IL1RAPL2: variants seen among roughly 807,000 people sequenced by gnomAD.
IL1RAPL2 encodes interleukin 1 receptor accessory protein like 2.
In IL1RAPL2, 3 loss-of-function variants were observed where a neutral mutation model predicts 44.1. That is an observed-to-expected ratio of 0.07 (90% CI 0.03 to 0.18). The LOEUF (loss-of-function observed/expected upper bound fraction) is 0.18. Ranked by LOEUF, IL1RAPL2 falls within the 10% of genes least tolerant of loss-of-function variation. IL1RAPL2 has a pLI of 1.00. For synonymous variants in IL1RAPL2, 181 were observed against 178.8 expected (o/e 1.01, Z -0.10); for missense variants, 391 against 496.4 (o/e 0.79, Z 2.02).
chrX:104,983,661 ATATATACATAATAT>A (rs1320210001), intron 2 of IL1RAPL2, among the ~76,000 whole-genome samples: 10 of 98,452 alleles, frequency 1.0e-4, no homozygotes, highest in Non-Finnish European at 1.6e-4. Context: ...TATGTACATA[ATATATACATAATAT>A]TATATACATA....
intron 1 of IL1RAPL2, among the ~76,000 whole-genome samples, chrX:104,640,867 T>C (rs1206171817): frequency 8.9e-6 from 1 of 112,518 alleles, no homozygotes; most frequent in Non-Finnish European, 1.9e-5. Flanking sequence ...GGGCCAGTCT[T>C]CAGGCCCTGG....
chrX:104,633,633 G>A (rs1427182169), intron 1 of IL1RAPL2, among the ~76,000 whole-genome samples: 1 of 111,955 alleles, frequency 8.9e-6, no homozygotes, highest in African/African-American at 3.3e-5. Flanking sequence ...TTGCATAGAG[G>A]TGTTTATAGT....
At chrX:105,406,968 C>A (rs1345852993) in intron 5 of IL1RAPL2, 73 of 1,104,039 alleles carry the variant, frequency 6.6e-5, no homozygotes, top group Non-Finnish European at 8.6e-5. Flanking sequence ...AAGAAGCCAA[C>A]CTGAGAGGGT....
At chrX:105,516,477 G>A (rs1325928158) in intron 6 of IL1RAPL2, among the ~76,000 whole-genome samples, 3 of 111,872 alleles carry the variant, frequency 2.7e-5, no homozygotes, top group Non-Finnish European at 5.6e-5. Context: ...TGTCAAACAC[G>A]TGGATGCAAT....
intron 6 of IL1RAPL2, among the ~76,000 whole-genome samples, chrX:105,675,441 C>A (rs1020256425): frequency 9.0e-6 from 1 of 111,580 alleles, no homozygotes; most frequent in Non-Finnish European, 1.9e-5. Flanking sequence ...GTCTTTAGAT[C>A]TATTTATGTG....
chrX:104,952,154 T>G (rs1403191114), intron 2 of IL1RAPL2, among the ~76,000 whole-genome samples: 1 of 112,466 alleles, frequency 8.9e-6, no homozygotes. Flanking sequence ...GCTGTGGTTT[T>G]TCAGCACAAA....
intron 2 of IL1RAPL2, among the ~76,000 whole-genome samples, chrX:104,814,570 C>A (rs1347914725): frequency 1.8e-5 from 2 of 111,946 alleles, no homozygotes; most frequent in Non-Finnish European, 3.8e-5. Context: ...ACAAAGCAAT[C>A]TAACATAGAG....
At chrX:104,668,894 A>C (rs1430547842) in intron 2 of IL1RAPL2, among the ~76,000 whole-genome samples, 1 of 110,561 alleles carries the variant, frequency 9.0e-6, no homozygotes, top group Admixed American at 9.7e-5. Flanking sequence ...CACCCCCACA[A>C]CCACGATTCT....
At chrX:104,649,402 A>G (rs1019398597) in intron 1 of IL1RAPL2, among the ~76,000 whole-genome samples, 1 of 111,757 alleles carries the variant, frequency 8.9e-6, no homozygotes. Flanking sequence ...TTTGAGAGCC[A>G]TATTTCCCTC....
intron 2 of IL1RAPL2, among the ~76,000 whole-genome samples, chrX:104,800,791 G>T (rs774814096): frequency 2.7e-5 from 3 of 112,721 alleles, no homozygotes; most frequent in East Asian, 5.6e-4. Flanking sequence ...GGGAGGCCAG[G>T]TCAGCTTTGA....
intron 9 of IL1RAPL2, among the ~76,000 whole-genome samples, chrX:105,749,479 T>G (rs774958572): frequency 5.4e-5 from 6 of 111,963 alleles, no homozygotes; most frequent in Middle Eastern, 4.7e-3. Context: ...ATTCCAATTT[T>G]TTTCAGAAAA....
chrX:104,828,454 G>A (rs750511423), intron 2 of IL1RAPL2, among the ~76,000 whole-genome samples: 11 of 111,237 alleles, frequency 9.9e-5, no homozygotes, highest in African/African-American at 2.7e-4. Flanking sequence ...TATCACCAGC[G>A]GAGGCTGCAG....
chrX:105,373,117 T>G (rs187804595), intron 5 of IL1RAPL2, among the ~76,000 whole-genome samples: 14 of 112,979 alleles, frequency 1.2e-4, no homozygotes, highest in African/African-American at 3.9e-4. Context: ...ACAGCTAAAC[T>G]AATTTACATT....
chrX:105,009,746 T>C (rs2031015744), intron 2 of IL1RAPL2, among the ~76,000 whole-genome samples: 1 of 109,594 alleles, frequency 9.1e-6, no homozygotes, highest in East Asian at 2.9e-4. Flanking sequence ...ACTTAAAGTA[T>C]AATAATAATA....
chrX:105,566,850 A>G lies in IL1RAPL2; in HGVS notation c.772+82463A>G, dbSNP rs772501921. Among the ~76,000 whole-genome samples, 9 of 110,742 alleles carry G rather than the reference A, an allele frequency of 8.1e-5. No homozygotes were observed. In the East Asian group the frequency reaches 2.3e-3, roughly 28 times the overall value. ...TTCAAGGAGAGATATGACAATCCTG[A>G]GACCTGAATAATTTAGACACCAACC... is the stretch of plus-strand genomic sequence containing the variant. On this transcript the variant is annotated intron_variant, in intron 6 of 10. Transcript: ENST00000372582.
At chrX:105,606,156 T>C (rs1341101546) in intron 6 of IL1RAPL2, among the ~76,000 whole-genome samples, 8 of 111,422 alleles carry the variant, frequency 7.2e-5, no homozygotes, top group Non-Finnish European at 1.5e-4. Flanking sequence ...TGCACACCAT[T>C]AACCTGACAA....
intron 2 of IL1RAPL2, among the ~76,000 whole-genome samples, chrX:104,946,144 G>A (rs920332246): frequency 2.0e-4 from 21 of 104,467 alleles, no homozygotes; most frequent in Middle Eastern, 0.01. Context: ...AGGCCGAGGC[G>A]GGTGGATCAT....
At chrX:105,034,159 A>T (rs1297578557) in intron 2 of IL1RAPL2, among the ~76,000 whole-genome samples, 1 of 110,790 alleles carries the variant, frequency 9.0e-6, no homozygotes, top group Non-Finnish European at 1.9e-5. Context: ...CTTCTTTGCC[A>T]TTGGTTTGAA....
Position 104,743,242 on chromosome X carries a change from T to C in IL1RAPL2, c.82+84247T>C, listed in dbSNP as rs759019155. Among the ~76,000 whole-genome samples the C allele has an allele frequency of 5.4e-5, 6 of 111,200 alleles. No homozygotes were observed. In the South Asian group the frequency reaches 2.2e-3, roughly 42 times the overall value. ...AGTAATATATATTTCAAAGTTATTA[T>C]TGCACTTATGTTCCCTCTTTGAGGC... On this transcript the variant is annotated intron_variant, in intron 2 of 10. Transcript: ENST00000372582.
Sources: allele counts gnomAD v4.1 joint callset (sites outside exome capture counted in the v4.1 genomes callset), GRCh38; gene constraint gnomAD v4.1.1; transcripts MANE v1.5; gene names NCBI Gene and HGNC (gene_info 2026-07-23, HGNC 2026-07-21).